NFKB1: variants seen among roughly 807,000 people sequenced by gnomAD.
NFKB1 encodes the protein nuclear factor kappa B subunit 1.
A neutral mutation model predicts 105.1 loss-of-function variants in NFKB1; 9 were observed. That is an observed-to-expected ratio of 0.09 (90% CI 0.05 to 0.15). The LOEUF (loss-of-function observed/expected upper bound fraction) is 0.15, where lower values mean the gene tolerates loss of function less well. NFKB1 is among the 10% of genes least tolerant of loss of function. The pLI, the probability that NFKB1 is intolerant of heterozygous loss-of-function variation, is 1.00. For synonymous variants in NFKB1, 440 were observed against 442.2 expected (o/e 1.00, Z 0.06); for missense variants, 830 against 1,203.7 (o/e 0.69, Z 4.59).
chr4:102,534,190 C>T lies in NFKB1; in HGVS notation c.159+305C>T, dbSNP rs4647992. ...ACTTACCAGCCACTCCCAGGAAAGG[C>T]AGAGGTGATTTCCATTCATTTTCAT... On this transcript the variant is annotated intron_variant, in intron 4 of 23. Coordinates refer to ENST00000226574, the MANE Select transcript of NFKB1 (RefSeq NM_003998.4). 0.058 allele frequency among the ~76,000 whole-genome samples: 8,802 copies of T among 152,218 alleles called. 283 individuals carry two copies. Among genetic ancestry groups the T allele is most frequent in the African/African-American group, 0.093 (3,854 of 41,538 alleles).
intron 5 of NFKB1, among the ~76,000 whole-genome samples, chr4:102,540,149 C>G (rs577605611): frequency 6.6e-6 from 1 of 152,222 alleles, no homozygotes; most frequent in South Asian, 2.1e-4. Context: ...GGAGTTTTTT[C>G]TGACTGGCTT....
chr4:102,560,490 G>A (rs1168143793), intron 5 of NFKB1, among the ~76,000 whole-genome samples: 1 of 152,170 alleles, frequency 6.6e-6, no homozygotes, highest in Admixed American at 6.5e-5. Flanking sequence ...CATATATGCT[G>A]TTGGTCATTC....
chr4:102,516,224 C>T (rs527330913), intron 1 of NFKB1, among the ~76,000 whole-genome samples: 60 of 151,922 alleles, frequency 3.9e-4, no homozygotes, highest in Non-Finnish European at 7.5e-4. Flanking sequence ...CTGTAATATG[C>T]CTAACCATGG....
chr4:102,523,976 C>G (rs1316783685), intron 1 of NFKB1, among the ~76,000 whole-genome samples: 3 of 151,800 alleles, frequency 2.0e-5, no homozygotes, highest in Non-Finnish European at 2.9e-5. Context: ...TGATGGGTAG[C>G]TGACATTCTC....
At chr4:102,551,368 G>GCA (rs1553931295) in intron 5 of NFKB1, among the ~76,000 whole-genome samples, 28 of 120,600 alleles carry the variant, frequency 2.3e-4, no homozygotes, top group African/African-American at 3.5e-4. Context: ...GTGTGTGTGT[G>GCA]CGCGCGCGCA....
At chr4:102,590,081 G>C (rs921331506) in intron 11 of NFKB1, among the ~76,000 whole-genome samples, 2 of 152,160 alleles carry the variant, frequency 1.3e-5, no homozygotes, top group Non-Finnish European at 2.9e-5. Context: ...GTCACCAGAG[G>C]TTACAGATCC....
chr4:102,588,187 T>C (rs952677244), intron 11 of NFKB1, among the ~76,000 whole-genome samples: 4 of 152,308 alleles, frequency 2.6e-5, no homozygotes, highest in African/African-American at 7.2e-5. Flanking sequence ...GACTGACTTA[T>C]TGATTGACCA....
At chr4:102,572,710 CAT>C (rs1205790565) in intron 6 of NFKB1, among the ~76,000 whole-genome samples, 3 of 152,098 alleles carry the variant, frequency 2.0e-5, no homozygotes, top group Non-Finnish European at 2.9e-5. Context: ...GAGCTTTTTC[CAT>C]ATGTTTGTTG....
At chr4:102,567,448 A>C (rs1212666345) in intron 6 of NFKB1, among the ~76,000 whole-genome samples, 1 of 152,156 alleles carries the variant, frequency 6.6e-6, no homozygotes, top group Non-Finnish European at 1.5e-5. Flanking sequence ...TGCCACTATT[A>C]ATTTTTTTTC....
At chr4:102,568,736 G>A (rs1724076362) in intron 6 of NFKB1, among the ~76,000 whole-genome samples, 1 of 152,102 alleles carries the variant, frequency 6.6e-6, no homozygotes. Context: ...AGAACTAATG[G>A]TTATTTAAAT....
intron 10 of NFKB1, 137 bp from the exon 11 acceptor site, chr4:102,584,545 C>A: frequency 2.7e-6 from 2 of 736,460 alleles, no homozygotes; most frequent in Non-Finnish European, 4.0e-6. Context: ...TTCTCCAGGA[C>A]ACGGTGTTTT....
intron 3 of NFKB1, among the ~76,000 whole-genome samples, chr4:102,530,795 T>G (rs1741239300): frequency 1.3e-5 from 2 of 152,218 alleles, no homozygotes. Flanking sequence ...AGAAAACTTT[T>G]TCTGCATTTA....
chr4:102,539,074 T>C (rs1182880433), intron 5 of NFKB1, among the ~76,000 whole-genome samples: 1 of 151,728 alleles, frequency 6.6e-6, no homozygotes, highest in East Asian at 1.9e-4. Context: ...CCATCTCTAC[T>C]AAAAATACAA....
In NFKB1 at chr4:102,613,421, A is replaced by C. The variant is rs150902390; in HGVS notation, c.2593-4A>C. On this transcript the variant is annotated splice_polypyrimidine_tract_variant and splice_region_variant and intron_variant, in intron 22 of 23. Coordinates refer to ENST00000226574, the MANE Select transcript of NFKB1 (RefSeq NM_003998.4). ...CATGCTCCTCCTTCCTTTCTTTCTC[A>C]CAGGTCTCTGGGGGTACAGTCAGAG... 3 of 1,612,920 alleles carry C rather than the reference A, an allele frequency of 1.9e-6. No homozygotes were observed. The highest frequency in any genetic ancestry group is 2.5e-6 in the Non-Finnish European group (3 of 1,179,474).
At chr4:102,553,985 A>G (rs978969962) in intron 5 of NFKB1, among the ~76,000 whole-genome samples, 1 of 152,206 alleles carries the variant, frequency 6.6e-6, no homozygotes, top group Non-Finnish European at 1.5e-5. Flanking sequence ...TTTACCTATA[A>G]GGTTCTTTCC....
chr4:102,550,126 T>C (rs192790561), intron 5 of NFKB1, among the ~76,000 whole-genome samples: 12 of 152,302 alleles, frequency 7.9e-5, no homozygotes, highest in Non-Finnish European at 2.9e-5. Flanking sequence ...TCTTTTGTTA[T>C]TCATTGTACT....
chr4:102,543,854 A>G (rs1721918478), intron 5 of NFKB1, among the ~76,000 whole-genome samples: 2 of 152,196 alleles, frequency 1.3e-5, no homozygotes, highest in Admixed American at 1.3e-4. Context: ...AAAATCACCA[A>G]TAATCAGCTA....
chr4:102,533,857 A>G lies in NFKB1; in HGVS notation c.131A>G (p.Tyr44Cys), dbSNP rs1741460789. Residue 44 changes from tyrosine (Y) to cysteine (C), a missense_variant, in exon 4 of 24, where the codon TAC becomes TGC. Physicochemically the swap from Tyr to Cys is radical, Grantham distance 194. This residue lies in a region of NFKB1 where 15 missense variants were observed against 45.9 expected (regional missense o/e 0.33). Transcript: ENST00000226574. ...TTTTTGTTTTTAGCAGATGGCCCAT[A>G]CCTTCAAATATTAGAGCAACCTAAA... ...QMALPTADGP[Y>C]LQILEQPKQR... 1 of 1,612,348 alleles carries G rather than the reference A, an allele frequency of 6.2e-7. No individual in the cohort carries two copies. Among genetic ancestry groups the G allele is most frequent in the African/African-American group, 1.3e-5 (1 of 74,820 alleles).
At chr4:102,523,220 G>C (rs1412669037) in intron 1 of NFKB1, among the ~76,000 whole-genome samples, 1 of 152,118 alleles carries the variant, frequency 6.6e-6, no homozygotes, top group Admixed American at 6.6e-5. Flanking sequence ...ACTCTATCAG[G>C]TCAAATTTCC....
Sources: gnomAD v4.1 joint callset for allele counts (sites outside exome capture counted in the v4.1 genomes callset) on GRCh38, gnomAD v4.1.1 for gene constraint, gnomAD v4.1.1 regional missense constraint, MANE v1.5 for transcripts, NCBI Gene and HGNC (gene_info 2026-07-23, HGNC 2026-07-21) for gene names.